The following MCC variants were observed in gnomAD, a reference collection of about 807,000 sequenced individuals.
MCC encodes the protein colorectal mutant cancer protein.
In MCC, 90 loss-of-function variants were observed where a neutral mutation model predicts 116.2. That is an observed-to-expected ratio of 0.77 (90% CI 0.65 to 0.92). The LOEUF is 0.92. Among genes scored for constraint, MCC ranks in the 40% least tolerant of loss-of-function variants. The pLI is 0.00. For missense variants in MCC, 1,516 were observed against 1,312.2 expected (o/e 1.16, Z -2.40); for synonymous variants, 578 against 510.5 (o/e 1.13, Z -1.78).
chr5:113,034,926 TACTGGGTGTTGTTTAGG>T (rs1163429360), intron 17 of MCC, among the ~76,000 whole-genome samples: 60 of 152,264 alleles, frequency 3.9e-4, no homozygotes, highest in South Asian at 2.1e-4. Flanking sequence ...CATGACAAAA[TACTGGGTGTTGTTTAGG>T]ACTTGGGCCT....
intron 3 of MCC, among the ~76,000 whole-genome samples, chr5:113,177,925 A>T (rs1761419478): frequency 6.6e-6 from 1 of 152,236 alleles, no homozygotes; most frequent in Non-Finnish European, 1.5e-5. Flanking sequence ...ACATAAAATG[A>T]TTTCCTTCTT....
intron 7 of MCC, among the ~76,000 whole-genome samples, chr5:113,103,092 C>T (rs12523103): frequency 0.14 from 20,660 of 151,630 alleles, 2,059 homozygotes; most frequent in African/African-American, 0.26. Context: ...CCAGCCTGGG[C>T]GACAGAGCAA....
At chr5:113,220,415 A>G (rs910303832) in intron 3 of MCC, among the ~76,000 whole-genome samples, 4 of 152,064 alleles carry the variant, frequency 2.6e-5, no homozygotes, top group Admixed American at 2.0e-4. Context: ...TCTATAGATC[A>G]ATTGAGAGAA....
At chr5:113,393,913 CT>C (rs993073414) in intron 1 of MCC, among the ~76,000 whole-genome samples, 67 of 152,220 alleles carry the variant, frequency 4.4e-4, no homozygotes, top group Non-Finnish European at 5.1e-4. Context: ...GAGTCATATC[CT>C]TGGCCCCCTG....
intron 3 of MCC, among the ~76,000 whole-genome samples, chr5:113,337,457 C>A (rs1359351098): frequency 6.6e-6 from 1 of 152,152 alleles, no homozygotes; most frequent in Non-Finnish European, 1.5e-5. Context: ...TGAAAGGGGT[C>A]TGAATCAGCC....
intron 6 of MCC, among the ~76,000 whole-genome samples, chr5:113,111,884 T>A (rs945953481): frequency 8.5e-5 from 13 of 152,230 alleles, no homozygotes; most frequent in Non-Finnish European, 1.9e-4. Context: ...GCTGGTTTTC[T>A]TCTTTCTTAC....
intron 6 of MCC, among the ~76,000 whole-genome samples, chr5:113,108,663 A>G (rs866143267): frequency 0.014 from 2,164 of 152,194 alleles, 23 homozygotes; most frequent in Middle Eastern, 0.034. Flanking sequence ...AAAAAAAAAA[A>G]AAAAAAAGGG....
chr5:113,114,646 G>C (rs1220627192), intron 6 of MCC, among the ~76,000 whole-genome samples: 2 of 152,122 alleles, frequency 1.3e-5, no homozygotes, highest in Non-Finnish European at 2.9e-5. Flanking sequence ...GGAAGAAGAG[G>C]AGAAGCAGCT....
chr5:113,459,797 A>G (rs1339928333), intron 1 of MCC, among the ~76,000 whole-genome samples: 1 of 150,008 alleles, frequency 6.7e-6, no homozygotes, highest in East Asian at 2.0e-4. Context: ...TATCCCTTGC[A>G]AAAAGGAGTC....
chr5:113,209,121 T>A (rs1763020511), intron 3 of MCC, among the ~76,000 whole-genome samples: 1 of 152,186 alleles, frequency 6.6e-6, no homozygotes, highest in Non-Finnish European at 1.5e-5. Context: ...AGAGTGAGAT[T>A]ATATTCTGTT....
intron 3 of MCC, among the ~76,000 whole-genome samples, chr5:113,282,375 T>C (rs1414964569): frequency 6.6e-6 from 1 of 152,212 alleles, no homozygotes; most frequent in Non-Finnish European, 1.5e-5. Flanking sequence ...CATCAGACAC[T>C]TTCTTCAGCA....
At chr5:113,448,331 A>G (rs531624507) in intron 1 of MCC, 1 of 152,228 alleles carries the variant, frequency 6.6e-6, no homozygotes, top group Non-Finnish European at 1.5e-5. Context: ...AGTCTGGTTT[A>G]GCATACATAA....
At chr5:113,427,359 A>G (rs529144604) in intron 1 of MCC, among the ~76,000 whole-genome samples, 1 of 152,330 alleles carries the variant, frequency 6.6e-6, no homozygotes, top group Admixed American at 6.5e-5. Context: ...TTGGGAGTTG[A>G]CTGGAAAGGT....
chr5:113,244,435 T>C (rs1464441542), intron 3 of MCC, among the ~76,000 whole-genome samples: 1 of 152,256 alleles, frequency 6.6e-6, no homozygotes, highest in African/African-American at 2.4e-5. Flanking sequence ...ATATAATCTC[T>C]AGAGTTAGAA....
chr5:113,471,811 C>T (rs889275509), intron 1 of MCC, among the ~76,000 whole-genome samples: 3 of 149,838 alleles, frequency 2.0e-5, no homozygotes, highest in Admixed American at 6.7e-5. Flanking sequence ...CCACCCAGTT[C>T]GAGCTTCCCA....
chr5:113,044,612 T>C (rs568931744), intron 16 of MCC: 1 of 316,980 alleles, frequency 3.2e-6, no homozygotes, highest in African/African-American at 2.3e-5. Context: ...TTTGCTCTCG[T>C]TGCCCAGGCT....
intron 5 of MCC, among the ~76,000 whole-genome samples, chr5:113,133,292 C>T (rs1452201824): frequency 6.6e-6 from 1 of 152,102 alleles, no homozygotes; most frequent in Non-Finnish European, 1.5e-5. Flanking sequence ...TCCCCCTCTC[C>T]TCCCTACCCT....
At chr5:113,488,166 G>GAGGGGGCAGAGCAGGGGTCA in intron 1 of MCC, 79 bp downstream of exon 1, 2 of 1,366,844 alleles carry the variant, frequency 1.5e-6, no homozygotes, top group Non-Finnish European at 1.9e-6. Context: ...AAGTTGGGGC[G>GAGGGGGCAGAGCAGGGGTCA]AGGGGGCAGA....
intron 1 of MCC, among the ~76,000 whole-genome samples, chr5:113,429,167 G>A (rs1022006898): frequency 3.3e-5 from 5 of 152,104 alleles, no homozygotes; most frequent in Non-Finnish European, 5.9e-5. Flanking sequence ...AACCTCCAAT[G>A]TGACTCTATC....
Sources: gnomAD v4.1 joint callset for allele counts (sites outside exome capture counted in the v4.1 genomes callset) on GRCh38, gnomAD v4.1.1 for gene constraint, MANE v1.5 for transcripts, NCBI Gene and HGNC (gene_info 2026-07-23, HGNC 2026-07-21) for gene names.